Variants in WWTR1 observed in about 807,000 individuals in gnomAD.
WWTR1 encodes WW domain containing transcription regulator 1.
Under a neutral mutation model 40.1 loss-of-function variants are expected in WWTR1, and 13 were observed. The ratio of observed to expected loss-of-function variants is 0.32; its 90% CI spans 0.21 to 0.52. The LOEUF (loss-of-function observed/expected upper bound fraction) is 0.52. Among genes scored for constraint, WWTR1 ranks in the 20% least tolerant of loss-of-function variants. The pLI is 0.97. For missense variants in WWTR1, 436 were observed against 523.1 expected (o/e 0.83, Z 1.63); for synonymous variants, 230 against 210.1 (o/e 1.09, Z -0.82).
chr3:149,715,280 G>A (rs950288766), intron 5 of WWTR1, among the ~76,000 whole-genome samples: 2 of 152,180 alleles, frequency 1.3e-5, no homozygotes, highest in African/African-American at 4.8e-5. Context: ...CCCAAGCCAG[G>A]GCTGTGACTC....
chr3:149,659,022 T>C (rs1477480634), upstream of WWTR1, among the ~76,000 whole-genome samples: 1 of 152,102 alleles, frequency 6.6e-6, no homozygotes, highest in Non-Finnish European at 1.5e-5. Context: ...CCCCTGCCTC[T>C]AGCTAAGGGA....
At chr3:149,528,055 A>T in intron 4 of WWTR1, 86 bp from the exon 5 acceptor site, 3 of 1,504,498 alleles carry the variant, frequency 2.0e-6, no homozygotes, top group Non-Finnish European at 2.7e-6. Context: ...ACTTTTCACC[A>T]AATACAAAGC....
Position 149,552,040 on chromosome 3 carries a change from T to C in WWTR1, c.569-9503A>G, listed in dbSNP as rs553372871. Among the ~76,000 whole-genome samples the C allele has an allele frequency of 6.8e-5, 10 of 146,174 alleles. 1 individual carries two copies. The highest frequency in any genetic ancestry group is 3.5e-3 in the Middle Eastern group (1 of 282). Reference sequence around the variant, plus strand: ...GACTGCATTATATCACCCATAAACATGCACTTGGTTAAATGCAAAAGTCAG... The same window carrying C: ...GACTGCATTATATCACCCATAAACACGCACTTGGTTAAATGCAAAAGTCAG... On this transcript the variant is annotated intron_variant, in intron 3 of 6. Coordinates refer to ENST00000360632, the MANE Select transcript of WWTR1 (RefSeq NM_015472.6).
intron 4 of WWTR1, among the ~76,000 whole-genome samples, chr3:149,541,279 G>T (rs982642847): frequency 3.3e-5 from 5 of 152,242 alleles, no homozygotes; most frequent in Non-Finnish European, 2.9e-5. Context: ...CATAGACCAA[G>T]CCACTGAAAC....
At chr3:149,595,341 GT>G (rs998755793) in intron 2 of WWTR1, among the ~76,000 whole-genome samples, 29 of 152,010 alleles carry the variant, frequency 1.9e-4, no homozygotes, top group African/African-American at 7.0e-4. Context: ...ATTTTTTCAG[GT>G]TTGAAAATGT....
intron 3 of WWTR1, 58 bp downstream of exon 3, chr3:149,572,806 A>AC (rs1026596151): frequency 7.0e-6 from 11 of 1,577,658 alleles, no homozygotes; most frequent in African/African-American, 2.8e-5. Flanking sequence ...ACAAAGGGAG[A>AC]CCCCAACTCT....
intron 1 of WWTR1, among the ~76,000 whole-genome samples, chr3:149,676,587 AC>A (rs1207140497): frequency 1.3e-5 from 2 of 152,120 alleles, no homozygotes; most frequent in African/African-American, 4.8e-5. Flanking sequence ...CCTTACAGCA[AC>A]CCTGCCTGGC....
chr3:149,546,553 G>A (rs756347589), intron 3 of WWTR1, among the ~76,000 whole-genome samples: 4 of 152,316 alleles, frequency 2.6e-5, no homozygotes, highest in African/African-American at 9.6e-5. Context: ...ACCTGAGACC[G>A]GCAACAGCGA....
At chr3:149,594,543 C>G (rs962237911) in intron 2 of WWTR1, among the ~76,000 whole-genome samples, 11 of 152,068 alleles carry the variant, frequency 7.2e-5, no homozygotes, top group Admixed American at 6.6e-4. Flanking sequence ...CTAATTTAAT[C>G]ATAAAGAACC....
At chr3:149,585,962 CTGT>C (rs1738400922) in intron 2 of WWTR1, among the ~76,000 whole-genome samples, 1 of 152,140 alleles carries the variant, frequency 6.6e-6, no homozygotes, top group Non-Finnish European at 1.5e-5. Flanking sequence ...CTAAAAAATG[CTGT>C]TGTTTTTAAA....
At chr3:149,525,371 A>G (rs1473717279) in intron 6 of WWTR1, among the ~76,000 whole-genome samples, 1 of 152,136 alleles carries the variant, frequency 6.6e-6, no homozygotes, top group Non-Finnish European at 1.5e-5. Flanking sequence ...TAAATACCCC[A>G]ATGTGGAAAC....
At chr3:149,527,740 C>T (rs1735386896) in intron 5 of WWTR1, 96 bp downstream of exon 5, 3 of 1,559,624 alleles carry the variant, frequency 1.9e-6, no homozygotes, top group African/African-American at 2.7e-5. Flanking sequence ...AACCCTCAAG[C>T]TCCCCACCTC....
upstream of WWTR1, among the ~76,000 whole-genome samples, chr3:149,660,871 G>T (rs535640050): frequency 2.8e-4 from 43 of 152,348 alleles, no homozygotes; most frequent in Non-Finnish European, 6.0e-4. Context: ...CTAAGTCACA[G>T]TTTACTCATT....
intron 1 of WWTR1, among the ~76,000 whole-genome samples, chr3:149,678,733 A>G (rs987687878): frequency 2.6e-5 from 4 of 152,168 alleles, no homozygotes; most frequent in African/African-American, 9.7e-5. Flanking sequence ...CAGATTTTTC[A>G]TGAAACTAAT....
At chr3:149,705,691 A>C (rs535243179), upstream of WWTR1, among the ~76,000 whole-genome samples, 3 of 152,334 alleles carry the variant, frequency 2.0e-5, no homozygotes, top group South Asian at 6.2e-4. Context: ...AGAATAGCTA[A>C]CCTGGACAAC....
intron 4 of WWTR1, among the ~76,000 whole-genome samples, chr3:149,529,833 TC>T (rs1371141470): frequency 6.6e-6 from 1 of 152,280 alleles, no homozygotes; most frequent in East Asian, 1.9e-4. Context: ...ATGTATCTCA[TC>T]AATGGTAAAT....
intron 3 of WWTR1, among the ~76,000 whole-genome samples, chr3:149,563,312 G>A (rs574608750): frequency 6.6e-6 from 1 of 152,244 alleles, no homozygotes; most frequent in South Asian, 2.1e-4. Context: ...GTGCTTCTCT[G>A]GAATTCGTCA....
intron 4 of WWTR1, among the ~76,000 whole-genome samples, chr3:149,533,362 T>C (rs985741120): frequency 6.6e-6 from 1 of 152,206 alleles, no homozygotes; most frequent in Non-Finnish European, 1.5e-5. Context: ...GGTCAGGGCA[T>C]CACATCCTAT....
At chr3:149,620,568 C>CA (rs1023502127) in intron 2 of WWTR1, among the ~76,000 whole-genome samples, 58 of 150,512 alleles carry the variant, frequency 3.9e-4, no homozygotes, top group African/African-American at 1.2e-3. Context: ...CACCGCTCCC[C>CA]CCCACACACA....
Sources: gnomAD v4.1 joint callset for allele counts (sites outside exome capture counted in the v4.1 genomes callset) on GRCh38, gnomAD v4.1.1 for gene constraint, MANE v1.5 for transcripts, NCBI Gene and HGNC (gene_info 2026-07-23, HGNC 2026-07-21) for gene names.